The following TSPAN7 variants were observed in gnomAD, a reference collection of about 807,000 sequenced individuals.
TSPAN7 encodes tetraspanin-7.
TSPAN7 carries 1 observed loss-of-function variant against 17.6 expected under a neutral mutation model. The observed-to-expected ratio is 0.06, with a 90% confidence interval of 0.02 to 0.27. The LOEUF is 0.27. Ranked by LOEUF, TSPAN7 falls within the 10% of genes least tolerant of loss-of-function variation. The probability of loss-of-function intolerance (pLI) is 1.00; values close to 1 mark genes in which losing one functional copy is unlikely to be tolerated. For missense variants in TSPAN7, 112 were observed against 201.7 expected (o/e 0.56, Z 2.69); for synonymous variants, 78 against 79.0 (o/e 0.99, Z 0.07).
chrX:38,611,921 C>A (rs1006441075), intron 1 of TSPAN7, among the ~76,000 whole-genome samples: 11 of 111,448 alleles, frequency 9.9e-5, no homozygotes, highest in African/African-American at 3.6e-4. Context: ...TAACCACTAC[C>A]CTGACTTGTC....
intron 3 of TSPAN7, among the ~76,000 whole-genome samples, chrX:38,673,375 T>G (rs1410796574): frequency 9.6e-6 from 1 of 104,532 alleles, no homozygotes; most frequent in Non-Finnish European, 2.0e-5. Context: ...TTTTTTTTTT[T>G]TTTTTTTTTT....
At chrX:38,588,936 G>A (rs1490969423) in intron 1 of TSPAN7, among the ~76,000 whole-genome samples, 1 of 111,511 alleles carries the variant, frequency 9.0e-6, no homozygotes, top group Non-Finnish European at 1.9e-5. Context: ...AAAACCTCAG[G>A]CATTTAAATT....
At chrX:38,618,034 G>A (rs1415988563) in intron 1 of TSPAN7, among the ~76,000 whole-genome samples, 1 of 111,910 alleles carries the variant, frequency 8.9e-6, no homozygotes, top group Non-Finnish European at 1.9e-5. Context: ...ATGAACCTTG[G>A]AAGTCGTTGG....
intron 1 of TSPAN7, among the ~76,000 whole-genome samples, chrX:38,644,926 C>T (rs1440437346): frequency 8.9e-6 from 1 of 111,915 alleles, no homozygotes; most frequent in East Asian, 2.8e-4. Flanking sequence ...AAAGGTCTCC[C>T]GGCCGGTAAG....
intron 1 of TSPAN7, among the ~76,000 whole-genome samples, chrX:38,574,957 CTA>C (rs1295080924): frequency 1.8e-5 from 2 of 110,746 alleles, no homozygotes; most frequent in South Asian, 3.9e-4. Context: ...ATGCATATGA[CTA>C]TGTGTGCATG....
At chrX:38,664,429 G>A (rs1490610869) in intron 1 of TSPAN7, among the ~76,000 whole-genome samples, 1 of 111,437 alleles carries the variant, frequency 9.0e-6, no homozygotes, top group African/African-American at 3.3e-5. Context: ...TTATGTTTCC[G>A]TGTTGGGGAG....
rs1360946879 is a variant in TSPAN7 at position 38,604,976 on chromosome X, T to A, written c.81+43349T>A. On this transcript the variant is annotated intron_variant, in intron 1 of 7. Coordinates refer to ENST00000378482, the MANE Select transcript of TSPAN7 (RefSeq NM_004615.4). ...TCATACTGAATGGGCAAAAACTGGATGCATTCCCTTTGAAAACTGGCACAA... is the reference window on the plus strand; with the variant it reads ...TCATACTGAATGGGCAAAAACTGGAAGCATTCCCTTTGAAAACTGGCACAA... Among the ~76,000 whole-genome samples the A allele has an allele frequency of 1.6e-3, 173 of 111,180 alleles. 1 individual carries two copies. Among genetic ancestry groups the A allele is most frequent in the Non-Finnish European group, 2.7e-3 (142 of 53,042 alleles).
chrX:38,639,622 C>T (rs1168217276), intron 1 of TSPAN7, among the ~76,000 whole-genome samples: 1 of 106,299 alleles, frequency 9.4e-6, no homozygotes. Context: ...CTTGGCACAT[C>T]ACATTCTGCC....
chrX:38,673,364 C>CTTTT (rs1173827469), intron 3 of TSPAN7, among the ~76,000 whole-genome samples: 4 of 85,967 alleles, frequency 4.7e-5, no homozygotes, highest in Non-Finnish European at 6.8e-5. Context: ...GTTTTGTTAA[C>CTTTT]TTTTTTTTTT....
intron 1 of TSPAN7, among the ~76,000 whole-genome samples, chrX:38,607,381 T>G (rs779964079): frequency 2.7e-5 from 3 of 111,411 alleles, no homozygotes; most frequent in African/African-American, 6.5e-5. Context: ...GTCTCACTGC[T>G]TTTTTTTCCT....
intron 1 of TSPAN7, among the ~76,000 whole-genome samples, chrX:38,588,240 A>G (rs939011117): frequency 4.5e-5 from 5 of 111,320 alleles, no homozygotes; most frequent in Non-Finnish European, 9.4e-5. Context: ...AGGGTGGTCT[A>G]ACTTGATTTG....
At chrX:38,562,193 G>A (rs1282703803) in intron 1 of TSPAN7, among the ~76,000 whole-genome samples, 1 of 111,894 alleles carries the variant, frequency 8.9e-6, no homozygotes, top group Non-Finnish European at 1.9e-5. Flanking sequence ...CGCACGATGG[G>A]GAGCAGGCGT....
At chrX:38,676,327 A>C (rs1207281816) in intron 5 of TSPAN7, among the ~76,000 whole-genome samples, 1 of 111,357 alleles carries the variant, frequency 9.0e-6, no homozygotes, top group African/African-American at 3.3e-5. Context: ...CTGCCATAGG[A>C]AAAGAAATCA....
intron 1 of TSPAN7, among the ~76,000 whole-genome samples, chrX:38,581,828 GCCC>G (rs2069229013): frequency 1.8e-5 from 2 of 112,378 alleles, no homozygotes; most frequent in Non-Finnish European, 3.8e-5. Context: ...ATGGCTATAA[GCCC>G]CCAACCACTT....
intron 1 of TSPAN7, among the ~76,000 whole-genome samples, chrX:38,590,835 T>C (rs1429271784): frequency 8.9e-6 from 1 of 112,008 alleles, no homozygotes; most frequent in African/African-American, 3.2e-5. Flanking sequence ...TTTAATAATA[T>C]TCTTTGATTA....
intron 1 of TSPAN7, among the ~76,000 whole-genome samples, chrX:38,566,608 A>G (rs2069144862): frequency 8.9e-6 from 1 of 112,072 alleles, no homozygotes; most frequent in South Asian, 3.7e-4. Context: ...GGAATAGCAG[A>G]TTTCACAAGG....
intron 1 of TSPAN7, among the ~76,000 whole-genome samples, chrX:38,658,537 C>T (rs1279842071): frequency 6.3e-5 from 7 of 111,522 alleles, no homozygotes; most frequent in African/African-American, 3.3e-5. Flanking sequence ...TCCTACTTCT[C>T]ATATTGGCAG....
chrX:38,680,539 T>TTCTCTC (rs61619425), intron 5 of TSPAN7, among the ~76,000 whole-genome samples: 1,050 of 75,563 alleles, frequency 0.014, 17 homozygotes, highest in East Asian at 0.046. Context: ...TACTTACAAA[T>TTCTCTC]TCTCTCTCTC....
chrX:38,618,936 G>A lies in TSPAN7; in HGVS notation c.82-47185G>A, dbSNP rs56067325. Reference sequence around the variant, plus strand: ...AAGCTGGGTGGCTTTTCTTCTTGGCGGTGAAACTGTGTCTTTGAAGACATT... The same window carrying A: ...AAGCTGGGTGGCTTTTCTTCTTGGCAGTGAAACTGTGTCTTTGAAGACATT... On this transcript the variant is annotated intron_variant, in intron 1 of 7. Coordinates refer to ENST00000378482, the MANE Select transcript of TSPAN7 (RefSeq NM_004615.4). 8.6e-3 allele frequency among the ~76,000 whole-genome samples: 953 copies of A among 111,262 alleles called. 8 individuals carry two copies. Among genetic ancestry groups the A allele is most frequent in the Middle Eastern group, 0.019 (4 of 216 alleles).
Sources: allele counts gnomAD v4.1 joint callset (sites outside exome capture counted in the v4.1 genomes callset), GRCh38; gene constraint gnomAD v4.1.1; transcripts MANE v1.5; gene names NCBI Gene and HGNC (gene_info 2026-07-23, HGNC 2026-07-21).